Variants in FBXW7 observed in about 807,000 individuals in gnomAD.
FBXW7 encodes F-box and WD repeat domain containing 7.
Under a neutral mutation model 86.3 loss-of-function variants are expected in FBXW7, and 11 were observed. The ratio of observed to expected loss-of-function variants is 0.13; its 90% CI spans 0.08 to 0.21. FBXW7 has a LOEUF of 0.21. Among genes scored for constraint, FBXW7 ranks in the 10% least tolerant of loss-of-function variants. The pLI is 1.00. For synonymous variants in FBXW7, 313 were observed against 297.9 expected, an observed-to-expected ratio of 1.05 and a Z score of -0.52; for missense variants, 488 against 847.4, an observed-to-expected ratio of 0.58 and a Z score of 5.27.
chr4:152,512,996 G>C (rs1748124093), intron 2 of FBXW7, among the ~76,000 whole-genome samples: 1 of 152,030 alleles, frequency 6.6e-6, no homozygotes, highest in African/African-American at 2.4e-5. Context: ...CAAATAGCTG[G>C]GACTACAGGC....
intron 9 of FBXW7, among the ~76,000 whole-genome samples, chr4:152,330,265 AATTTC>A (rs1729428808): frequency 6.6e-6 from 1 of 151,958 alleles, no homozygotes; most frequent in African/African-American, 2.4e-5. Context: ...TACGCCCAAT[AATTTC>A]AAGTGTTTTT....
rs1425098860 is a variant in FBXW7, at chr4:152,321,296, A to C, written c.*1585T>G. 4.3e-6 allele frequency: 1 copy of C among 232,582 alleles called. No individual in the cohort carries two copies. The highest frequency in any genetic ancestry group is 8.5e-6 in the Non-Finnish European group (1 of 117,430). 14.4% of individuals were successfully genotyped at this position (232,582 alleles called of 1,614,324 possible). A position where few individuals can be genotyped will look rare whatever the true frequency, so the allele number is the denominator to read the frequency against. On this transcript the variant is annotated 3_prime_UTR_variant, in exon 14 of 14. Coordinates refer to ENST00000281708, the MANE Select transcript of FBXW7 (RefSeq NM_001349798.2). ...CACATTTTATTGCACTTAAGTTATA[A>C]GAAAATAAAATTTCTAAGTGAATCA...
At chr4:152,329,944 C>A (rs1384628121) in intron 9 of FBXW7, among the ~76,000 whole-genome samples, 159 bp from the exon 10 acceptor site, 1 of 151,750 alleles carries the variant, frequency 6.6e-6, no homozygotes, top group Non-Finnish European at 1.5e-5. Flanking sequence ...GCTGACGAAT[C>A]CAGAATTAAA....
At chr4:152,369,394 A>T (rs1240243229) in intron 4 of FBXW7, among the ~76,000 whole-genome samples, 1 of 152,066 alleles carries the variant, frequency 6.6e-6, no homozygotes, top group African/African-American at 2.4e-5. Context: ...TATGAACTCC[A>T]CGAGGGTGAT....
chr4:152,367,210 G>A (rs572011972), intron 4 of FBXW7, among the ~76,000 whole-genome samples: 40 of 152,084 alleles, frequency 2.6e-4, no homozygotes, highest in African/African-American at 8.2e-4. Context: ...AACCAACATG[G>A]CACATGTATA....
intron 2 of FBXW7, among the ~76,000 whole-genome samples, chr4:152,443,834 T>C (rs1244037294): frequency 6.6e-6 from 1 of 152,208 alleles, no homozygotes; most frequent in African/African-American, 2.4e-5. Flanking sequence ...CAGAGAAAGT[T>C]TGCAACTGTT....
chr4:152,412,054 T>C (rs1738016357), intron 3 of FBXW7, among the ~76,000 whole-genome samples, 182 bp from the exon 4 acceptor site: 1 of 152,156 alleles, frequency 6.6e-6, no homozygotes, highest in Admixed American at 6.6e-5. Context: ...GTTATAAGAC[T>C]TTATAAAGAC....
At position 152,347,455 on chromosome 4, in the gene FBXW7, A is replaced by G. The variant is rs182428042; in HGVS notation, c.585-384T>C. 1.6e-4 allele frequency among the ~76,000 whole-genome samples: 25 copies of G among 152,284 alleles called. No homozygotes were observed. The East Asian group carries it at 4.6e-3, about 28-fold the overall frequency. ...CATAAGTAAAGTTTAAATTTTCTTT[A>G]TAAAAAGGGTTGTGATACTTTATTA... On this transcript the variant is annotated intron_variant, in intron 5 of 13. Transcript: ENST00000281708.
intron 4 of FBXW7, among the ~76,000 whole-genome samples, chr4:152,408,517 C>T (rs1439683215): frequency 6.6e-6 from 1 of 152,132 alleles, no homozygotes; most frequent in Non-Finnish European, 1.5e-5. Context: ...TTAACAGCGT[C>T]ATTTGTTCCT....
intron 2 of FBXW7, among the ~76,000 whole-genome samples, chr4:152,487,014 A>G (rs1453814829): frequency 1.3e-5 from 2 of 152,186 alleles, no homozygotes; most frequent in Admixed American, 6.6e-5. Flanking sequence ...GCATGACTAC[A>G]TAACAATAAT....
At chr4:152,496,482 A>G (rs1746351384) in intron 2 of FBXW7, among the ~76,000 whole-genome samples, 1 of 152,112 alleles carries the variant, frequency 6.6e-6, no homozygotes, top group Non-Finnish European at 1.5e-5. Context: ...ACCTAAGGTC[A>G]GGATGGCCAA....
intron 2 of FBXW7, among the ~76,000 whole-genome samples, chr4:152,499,354 G>A (rs1746687905): frequency 6.6e-6 from 1 of 152,162 alleles, no homozygotes; most frequent in Non-Finnish European, 1.5e-5. Context: ...TGCCCTAGCT[G>A]CAAGGAATAC....
At chr4:152,447,617 T>G (rs1188992548) in intron 2 of FBXW7, among the ~76,000 whole-genome samples, 1 of 152,222 alleles carries the variant, frequency 6.6e-6, no homozygotes, top group African/African-American at 2.4e-5. Flanking sequence ...GATATTAGAT[T>G]TTTAATTTGC....
intron 2 of FBXW7, among the ~76,000 whole-genome samples, chr4:152,462,031 T>C (rs1742995482): frequency 6.6e-6 from 1 of 152,230 alleles, no homozygotes; most frequent in Admixed American, 6.5e-5. Context: ...GAGGACTTAC[T>C]GTGTGTCTCC....
rs529223673 is a variant in FBXW7, at chr4:152,332,521, T to C, written c.985+75A>G. ...CATAAGTAGCTGAATATTATTTTTA[T>C]TTTTTCTACTTGTTTTCAGAATCAC... On this transcript the variant is annotated intron_variant, in intron 8 of 13. Transcript: ENST00000281708. 23 of 1,356,188 alleles carry C rather than the reference T, an allele frequency of 1.7e-5. No homozygotes were observed. In the South Asian group the frequency reaches 2.2e-4, roughly 13 times the overall value. The allele number at this position is 1,356,188 out of a possible 1,614,324, so 84.0% of individuals were successfully genotyped here.
chr4:152,471,384 A>G (rs1346848440), intron 2 of FBXW7, among the ~76,000 whole-genome samples: 2 of 138,662 alleles, frequency 1.4e-5, no homozygotes, highest in East Asian at 2.3e-4. Context: ...AAGGAAGGAG[A>G]GAAGGAAGGA....
chr4:152,423,480 T>C (rs1217735290), intron 2 of FBXW7, among the ~76,000 whole-genome samples: 1 of 152,184 alleles, frequency 6.6e-6, no homozygotes, highest in African/African-American at 2.4e-5. Flanking sequence ...TTGCCAAACA[T>C]GTCAAGAGTA....
At chr4:152,458,916 A>G (rs1296923607) in intron 2 of FBXW7, among the ~76,000 whole-genome samples, 2 of 152,260 alleles carry the variant, frequency 1.3e-5, no homozygotes, top group African/African-American at 4.8e-5. Context: ...TAAATAAACA[A>G]TTCAATTTTT....
intron 2 of FBXW7, among the ~76,000 whole-genome samples, chr4:152,500,192 T>C (rs1238581611): frequency 6.6e-6 from 1 of 152,166 alleles, no homozygotes; most frequent in African/African-American, 2.4e-5. Context: ...GGTAAGTGAA[T>C]GGTCACAGTG....
Sources: gnomAD v4.1 joint callset for allele counts (sites outside exome capture counted in the v4.1 genomes callset) on GRCh38, gnomAD v4.1.1 for gene constraint, MANE v1.5 for transcripts, NCBI Gene and HGNC (gene_info 2026-07-23, HGNC 2026-07-21) for gene names.